OSBPL5: variants seen among roughly 807,000 people sequenced by gnomAD.
OSBPL5 encodes the protein oxysterol binding protein like 5, also known as oxysterol-binding protein-related protein 5.
OSBPL5 carries 71 observed loss-of-function variants against 111.2 expected under a neutral mutation model. The ratio of observed to expected loss-of-function variants is 0.64; its 90% CI spans 0.53 to 0.78. The LOEUF (loss-of-function observed/expected upper bound fraction) is 0.78. OSBPL5 is among the 30% of genes least tolerant of loss of function. OSBPL5 has a pLI of 0.00. For missense variants in OSBPL5, 1,210 were observed against 1,189.3 expected, an observed-to-expected ratio of 1.02 and a Z score of -0.26; for synonymous variants, 549 against 513.9, an observed-to-expected ratio of 1.07 and a Z score of -0.93.
Position 3,119,461 on chromosome 11 carries a change from G to A in OSBPL5, c.691+86C>T, listed in dbSNP as rs1858324374. 7 of 1,355,166 alleles carry A rather than the reference G, an allele frequency of 5.2e-6. No individual in the cohort carries two copies. In the African/African-American group the frequency reaches 1.1e-4, roughly 21 times the overall value. The allele number at this position is 1,355,166 out of a possible 1,614,324, so 83.9% of individuals were successfully genotyped here. A position where few individuals can be genotyped will look rare whatever the true frequency, so the allele number is the denominator to read the frequency against. Reference sequence around the variant, plus strand: ...AGACAGTAGAAGGGACTGAACTGGGGCCACCTGTACCTGGGCTACAACCTC... The same window carrying A: ...AGACAGTAGAAGGGACTGAACTGGGACCACCTGTACCTGGGCTACAACCTC... On this transcript the variant is annotated intron_variant, in intron 7 of 21. Transcript: ENST00000263650.
At chr11:3,101,534 G>A in intron 13 of OSBPL5, 69 bp downstream of exon 13, 1 of 1,417,728 alleles carries the variant, frequency 7.1e-7, no homozygotes, top group South Asian at 1.2e-5. Flanking sequence ...TGGTCCACTG[G>A]CTCCCGGAGT....
At chr11:3,147,670 T>C (rs1846403409) in intron 1 of OSBPL5, among the ~76,000 whole-genome samples, 1 of 152,038 alleles carries the variant, frequency 6.6e-6, no homozygotes, top group Non-Finnish European at 1.5e-5. Context: ...GTAATCAATA[T>C]CTGCTGGAAG....
At chr11:3,100,949 G>A in intron 13 of OSBPL5, among the ~76,000 whole-genome samples, 1 of 151,374 alleles carries the variant, frequency 6.6e-6, no homozygotes, top group East Asian at 1.9e-4. Flanking sequence ...GCAATAGAGG[G>A]ACTGCAGTTT....
Position 3,143,033 on chromosome 11 carries a change from G to A in OSBPL5, c.-21-13864C>T, listed in dbSNP as rs1027362904. ...AGGGGGGCAGAGGAGGCAGGTGCGG[G>A]GGGGGGCAGAGGAGGCAGGTGCGGA... On this transcript the variant is annotated intron_variant, in intron 1 of 21. Transcript: ENST00000263650. 4.4e-3 allele frequency among the ~76,000 whole-genome samples: 148 copies of A among 33,570 alleles called. 1 individual carries two copies. The highest frequency in any genetic ancestry group is 5.6e-3 in the Non-Finnish European group (84 of 14,894). 22.0% of individuals were successfully genotyped at this position (33,570 alleles called of 152,430 possible). A position where few individuals can be genotyped will look rare whatever the true frequency, so the allele number is the denominator to read the frequency against.
Position 3,165,281 on chromosome 11 carries a change from C to T in OSBPL5, c.-87G>A, listed in dbSNP as rs1223930815. On this transcript the variant is annotated 5_prime_UTR_variant, in exon 1 of 22. Transcript: ENST00000263650. The surrounding 1 kb of genome is among the most constrained non-coding windows in gnomAD (Gnocchi z 7.4). ...GCGCGCGGGGGCTCCACTGGCGGCG[C>T]GGGCCTGGCTGCAGGAAATGCCAGC... is the stretch of plus-strand genomic sequence containing the variant. The T allele has an allele frequency of 3.3e-5, 5 of 151,500 alleles. No individual in the cohort carries two copies. The highest frequency in any genetic ancestry group is 7.4e-5 in the Non-Finnish European group (5 of 67,824). 9.4% of individuals were successfully genotyped at this position (151,500 alleles called of 1,614,324 possible).
chr11:3,110,837 T>C lies in OSBPL5; in HGVS notation c.692-2892A>G, dbSNP rs968781294. 2.6e-5 allele frequency among the ~76,000 whole-genome samples: 4 copies of C among 152,174 alleles called. No individual in the cohort carries two copies. The highest frequency in any genetic ancestry group is 5.9e-5 in the Non-Finnish European group (4 of 68,034). Reference sequence around the variant, plus strand: ...CAAACCAATGTTCATCTTACATATGTTGGTTAATGTCTCATGTCTCCCTAA... The same window carrying C: ...CAAACCAATGTTCATCTTACATATGCTGGTTAATGTCTCATGTCTCCCTAA... On this transcript the variant is annotated intron_variant, in intron 7 of 21. Transcript: ENST00000263650. This position sits in a 1 kb window ranked among gnomAD's most constrained non-coding sequence, Gnocchi z 5.3.
chr11:3,098,876 C>T (rs1019929502), intron 14 of OSBPL5, among the ~76,000 whole-genome samples: 1 of 150,998 alleles, frequency 6.6e-6, no homozygotes, highest in African/African-American at 2.4e-5. Flanking sequence ...GCCACGATGG[C>T]TCCTCAAAGC....
intron 1 of OSBPL5, among the ~76,000 whole-genome samples, chr11:3,160,384 G>C (rs1469045838): frequency 1.3e-5 from 2 of 152,116 alleles, no homozygotes; most frequent in African/African-American, 4.8e-5. Flanking sequence ...GCGGGCAGGA[G>C]CGGGACGCAC....
At position 3,111,303 on chromosome 11, in the gene OSBPL5, G is replaced by A. The variant is rs528530823; in HGVS notation, c.692-3358C>T. 1.2e-4 allele frequency among the ~76,000 whole-genome samples: 18 copies of A among 152,146 alleles called. No individual in the cohort carries two copies. The South Asian group carries it at 3.7e-3, about 32-fold the overall frequency. ...CTGCTTCCATGACGATGGAAGGCAG[G>A]TAACTCCTTTATGGAGTTCGAGCTT... On this transcript the variant is annotated intron_variant, in intron 7 of 21. Transcript: ENST00000263650.
intron 7 of OSBPL5, among the ~76,000 whole-genome samples, chr11:3,114,881 C>T (rs1858158184): frequency 6.6e-6 from 1 of 152,138 alleles, no homozygotes; most frequent in Non-Finnish European, 1.5e-5. Flanking sequence ...GGATTACAGG[C>T]ATGAGCCACC....
At chr11:3,090,528 G>C (rs200135446) in intron 20 of OSBPL5, 30 bp downstream of exon 20, 22 of 1,604,668 alleles carry the variant, frequency 1.4e-5, no homozygotes, top group Non-Finnish European at 1.8e-5. Flanking sequence ...ACCAGACAGA[G>C]GCCTTGGGGC....
chr11:3,131,858 CAT>C (rs1845810919), intron 1 of OSBPL5, among the ~76,000 whole-genome samples: 1 of 100,730 alleles, frequency 9.9e-6, no homozygotes, highest in Non-Finnish European at 2.2e-5. Flanking sequence ...CCCACCAAAC[CAT>C]CCATCCATCC....
chr11:3,164,724 C>A (rs1847060437), intron 1 of OSBPL5, among the ~76,000 whole-genome samples: 1 of 152,314 alleles, frequency 6.6e-6, no homozygotes, highest in South Asian at 2.1e-4. Context: ...AAGCCCGCAG[C>A]TGGGACGCCA....
intron 7 of OSBPL5, among the ~76,000 whole-genome samples, chr11:3,114,721 C>A (rs1355339891): frequency 1.3e-5 from 2 of 151,300 alleles, no homozygotes; most frequent in Admixed American, 1.3e-4. Context: ...GCCCCAGCCT[C>A]CTGAGTAGCT....
At chr11:3,103,819 C>CAGTCCCTTCCAGCCTCT (rs1564830449) in intron 10 of OSBPL5, among the ~76,000 whole-genome samples, 3 of 44,010 alleles carry the variant, frequency 6.8e-5, no homozygotes, top group Non-Finnish European at 2.0e-4. Context: ...TTCCTGCCTG[C>CAGTCCCTTCCAGCCTCT]GCAGCCCCCT....
intron 1 of OSBPL5, among the ~76,000 whole-genome samples, chr11:3,158,635 T>C (rs1188146835): frequency 6.6e-6 from 1 of 152,166 alleles, no homozygotes; most frequent in Non-Finnish European, 1.5e-5. Context: ...CACTGGTGCA[T>C]GGTCAGTGAC....
rs749684787 is a variant in OSBPL5 at position 3,104,173 on chromosome 11, C to G, written c.1244+20G>C. On this transcript the variant is annotated intron_variant, in intron 10 of 21. Coordinates refer to ENST00000263650, the MANE Select transcript of OSBPL5 (RefSeq NM_020896.4). This position sits in a 1 kb window ranked among gnomAD's most constrained non-coding sequence, Gnocchi z 5.0. ...GATGCAGGACGAGGTGTGGGGTGCC[C>G]CTCCCGGCATGGCGCGCACCTGGAG... 2.5e-6 allele frequency: 4 copies of G among 1,588,692 alleles called. No individual in the cohort carries two copies. Among genetic ancestry groups the G allele is most frequent in the Admixed American group, 1.7e-5 (1 of 59,070 alleles).
Position 3,088,026 on chromosome 11 carries a change from A to C in OSBPL5, c.*179T>G. 1.9e-6 allele frequency: 1 copy of C among 517,238 alleles called. No individual in the cohort carries two copies. The highest frequency in any genetic ancestry group is 3.2e-6 in the Non-Finnish European group (1 of 309,738). The allele number at this position is 517,238 out of a possible 1,614,324, so 32.0% of individuals were successfully genotyped here. A position where few individuals can be genotyped will look rare whatever the true frequency, so the allele number is the denominator to read the frequency against. Reference sequence around the variant, plus strand: ...CTGCAGAGAGGCCAGTGCCCCTGAGAGGGGCCCAGCACACCTGGGCCCGCA... The same window carrying C: ...CTGCAGAGAGGCCAGTGCCCCTGAGCGGGGCCCAGCACACCTGGGCCCGCA... On this transcript the variant is annotated 3_prime_UTR_variant, in exon 22 of 22. Transcript: ENST00000263650.
chr11:3,162,633 C>T lies in OSBPL5; in HGVS notation c.-22+2583G>A, dbSNP rs990554120. On this transcript the variant is annotated intron_variant, in intron 1 of 21. Coordinates refer to ENST00000263650, the MANE Select transcript of OSBPL5 (RefSeq NM_020896.4). The surrounding 1 kb of genome is among the most constrained non-coding windows in gnomAD (Gnocchi z 8.1). ...GGAGCAGCTTCACTATCTGCCCATA[C>T]ATCTCCACGGGAAAGGTTACCCAGC... Among the ~76,000 whole-genome samples the T allele has an allele frequency of 1.3e-5, 2 of 151,998 alleles. No individual in the cohort carries two copies. The highest frequency in any genetic ancestry group is 2.9e-5 in the Non-Finnish European group (2 of 68,008).
Sources: allele counts gnomAD v4.1 joint callset (sites outside exome capture counted in the v4.1 genomes callset), GRCh38; gene constraint gnomAD v4.1.1; non-coding constraint Gnocchi (gnomAD v3.1); transcripts MANE v1.5; gene names NCBI Gene and HGNC (gene_info 2026-07-23, HGNC 2026-07-21).